The following OVCH1 variants were observed in gnomAD, a reference collection of about 807,000 sequenced individuals.
The protein encoded by OVCH1 is ovochymase 1.
In OVCH1, 139 loss-of-function variants were observed where a neutral mutation model predicts 138.4. That is an observed-to-expected ratio of 1.00 (90% CI 0.87 to 1.16). OVCH1 has a LOEUF of 1.16. OVCH1 is among the 50% of genes most tolerant of loss of function. OVCH1 has a pLI of 0.00. For synonymous variants in OVCH1, 453 were observed against 467.8 expected (o/e 0.97, Z 0.41); for missense variants, 1,367 against 1,357.9 (o/e 1.01, Z -0.11).
chr12:29,442,109 A>T (rs927518580), intron 25 of OVCH1, among the ~76,000 whole-genome samples: 2 of 151,598 alleles, frequency 1.3e-5, no homozygotes, highest in African/African-American at 4.8e-5. Context: ...TGACCCAGCC[A>T]TCCCATTACT....
intron 26 of OVCH1, among the ~76,000 whole-genome samples, chr12:29,437,503 T>C (rs1318290095): frequency 6.6e-6 from 1 of 152,152 alleles, no homozygotes; most frequent in Admixed American, 6.5e-5. Flanking sequence ...TTCAAAACTA[T>C]CTCTAAGTTT....
chr12:29,469,630 A>G (rs994190627), intron 16 of OVCH1, among the ~76,000 whole-genome samples: 3 of 152,064 alleles, frequency 2.0e-5, no homozygotes, highest in Non-Finnish European at 4.4e-5. Flanking sequence ...CTGTAATCCC[A>G]GCACTTTGGG....
chr12:29,407,098 T>A, the OVCH1 span, among the ~76,000 whole-genome samples: 1 of 152,072 alleles, frequency 6.6e-6, no homozygotes, highest in African/African-American at 2.4e-5. Flanking sequence ...GCTGCATAAA[T>A]GTCTTCTTTT....
intron 8 of OVCH1, among the ~76,000 whole-genome samples, chr12:29,481,434 T>C (rs16934322): frequency 0.031 from 4,697 of 152,256 alleles, 254 homozygotes; most frequent in African/African-American, 0.11. Context: ...GTTGACTCCT[T>C]ACTTTAGTCC....
At chr12:29,434,443 GAAAC>G (rs1209444894) in intron 26 of OVCH1, among the ~76,000 whole-genome samples, 1 of 152,046 alleles carries the variant, frequency 6.6e-6, no homozygotes, top group Non-Finnish European at 1.5e-5. Flanking sequence ...GCTGACAAAT[GAAAC>G]AAAGAATTAC....
At chr12:29,464,344 T>G (rs1942240888) in intron 18 of OVCH1, 163 bp downstream of exon 18, 1 of 831,900 alleles carries the variant, frequency 1.2e-6, no homozygotes, top group African/African-American at 1.7e-5. Flanking sequence ...TTTAAATAGC[T>G]CATTCTCTAT....
intron 25 of OVCH1, among the ~76,000 whole-genome samples, chr12:29,441,980 T>C (rs371318547): frequency 6.6e-6 from 1 of 151,936 alleles, no homozygotes; most frequent in South Asian, 2.1e-4. Flanking sequence ...CAACAGGTGC[T>C]GGAGAGGATG....
At chr12:29,411,282 T>G (rs563846321), downstream of OVCH1, among the ~76,000 whole-genome samples, 811 of 146,460 alleles carry the variant, frequency 5.5e-3, 11 homozygotes, top group African/African-American at 0.019. Flanking sequence ...TTTGAGCATC[T>G]GAAGCCTTCT....
downstream of OVCH1, among the ~76,000 whole-genome samples, chr12:29,410,397 C>T (rs530372295): frequency 2.0e-5 from 3 of 151,418 alleles, no homozygotes; most frequent in East Asian, 3.9e-4. Context: ...GCAGTTTCTT[C>T]CTAGTCTTGA....
intron 19 of OVCH1, 144 bp downstream of exon 19, chr12:29,461,710 G>T: frequency 9.9e-7 from 1 of 1,014,738 alleles, no homozygotes; most frequent in Non-Finnish European, 1.5e-6. Context: ...TATTACTTCT[G>T]TTGCCCCACT....
intron 1 of OVCH1, among the ~76,000 whole-genome samples, chr12:29,497,220 T>C (rs12314462): frequency 0.092 from 13,965 of 152,108 alleles, 1,737 homozygotes; most frequent in African/African-American, 0.28. Context: ...CGTGATCGCA[T>C]CACTGCAGTC....
intron 3 of OVCH1, among the ~76,000 whole-genome samples, chr12:29,413,227 C>G (rs557677717): frequency 1.2e-4 from 19 of 152,240 alleles, no homozygotes; most frequent in African/African-American, 4.1e-4. Flanking sequence ...CAAAAGGGAT[C>G]AGCCCAATTT....
At chr12:29,477,520 G>A in intron 10 of OVCH1, 42 bp from the exon 11 acceptor site, 1 of 1,613,924 alleles carries the variant, frequency 6.2e-7, no homozygotes, top group Middle Eastern at 1.6e-4. Context: ...TTACTAAAAA[G>A]TGGTGGAAAC....
chr12:29,411,631 C>T (rs11835469), downstream of OVCH1, among the ~76,000 whole-genome samples: 14,491 of 152,106 alleles, frequency 0.095, 740 homozygotes, highest in African/African-American at 0.13. Flanking sequence ...TTTCGTGAAC[C>T]GTAAATTCTG....
At chr12:29,455,117 G>C in intron 20 of OVCH1, 132 bp downstream of exon 20, 6 of 1,204,978 alleles carry the variant, frequency 5.0e-6, no homozygotes, top group Non-Finnish European at 6.9e-6. Context: ...TTGCATTTTA[G>C]TGTGTTTAGT....
intron 4 of OVCH1, among the ~76,000 whole-genome samples, chr12:29,493,277 C>T (rs1565616070): frequency 6.6e-6 from 1 of 152,172 alleles, no homozygotes; most frequent in Non-Finnish European, 1.5e-5. Context: ...GTTGAGAAGT[C>T]AATAACATTC....
At chr12:29,472,644 A>G (rs1395508985) in intron 15 of OVCH1, among the ~76,000 whole-genome samples, 2 of 152,234 alleles carry the variant, frequency 1.3e-5, no homozygotes, top group African/African-American at 4.8e-5. Flanking sequence ...ATGAGGGATC[A>G]TAGTATTTAC....
chr12:29,436,976 GC>G (rs1182699068), intron 26 of OVCH1, among the ~76,000 whole-genome samples: 1 of 152,154 alleles, frequency 6.6e-6, no homozygotes, highest in Admixed American at 6.5e-5. Context: ...ATCTGGCCCC[GC>G]CCACATCCTG....
chr12:29,421,119 G>T (rs945699816), intron 3 of OVCH1, among the ~76,000 whole-genome samples: 2 of 152,190 alleles, frequency 1.3e-5, no homozygotes, highest in African/African-American at 4.8e-5. Flanking sequence ...TCTGGGTGCT[G>T]CAGACTAACT....
Sources: allele counts gnomAD v4.1 joint callset (sites outside exome capture counted in the v4.1 genomes callset), GRCh38; gene constraint gnomAD v4.1.1; transcripts MANE v1.5; gene names NCBI Gene and HGNC (gene_info 2026-07-23, HGNC 2026-07-21).